Variants in SIPA1L3 observed in about 807,000 individuals in gnomAD.
The protein encoded by SIPA1L3 is signal induced proliferation associated 1 like 3.
In SIPA1L3, 59 loss-of-function variants were observed where a neutral mutation model predicts 150.1. The ratio of observed to expected loss-of-function variants is 0.39; its 90% confidence interval spans 0.32 to 0.49. SIPA1L3 has a LOEUF of 0.49. Ranked by LOEUF, SIPA1L3 falls within the 20% of genes least tolerant of loss-of-function variation. The pLI is 0.86. For synonymous variants in SIPA1L3, 1,070 were observed against 1,077.6 expected, an observed-to-expected ratio of 0.99 and a Z score of 0.14; for missense variants, 2,211 against 2,489.5, an observed-to-expected ratio of 0.89 and a Z score of 2.38.
intron 10 of SIPA1L3, among the ~76,000 whole-genome samples, chr19:38,131,309 G>A (rs1233907096): frequency 6.6e-6 from 1 of 152,198 alleles, no homozygotes; most frequent in African/African-American, 2.4e-5. Context: ...CGATGGGAGA[G>A]CTGCTTACAA....
intron 1 of SIPA1L3, among the ~76,000 whole-genome samples, chr19:37,989,658 A>G (rs1175810176): frequency 7.0e-6 from 1 of 143,792 alleles, no homozygotes; most frequent in Non-Finnish European, 1.5e-5. Context: ...CCTGCTTAGG[A>G]TGAATTCTTT....
chr19:38,119,489 C>T lies in SIPA1L3; in HGVS notation c.2475C>T (p.Leu825=). The T allele has an allele frequency of 6.2e-7, 1 of 1,614,204 alleles. No homozygotes were observed. Among genetic ancestry groups the T allele is most frequent in the Non-Finnish European group, 8.5e-7 (1 of 1,180,048 alleles). ...CCACCAGGACCCGCCAGGAGTATCT[C>T]AAGGACCTGGCCGAAAACTGTGTCT... ...TMATRTRQEY[L]KDLAENCVSN... is the part of the protein sequence containing the mutation. Residue 825 remains leucine, a synonymous_variant, in exon 9 of 22, where the codon CTC becomes CTT. Coordinates refer to ENST00000222345, the MANE Select transcript of SIPA1L3 (RefSeq NM_015073.3).
intron 1 of SIPA1L3, among the ~76,000 whole-genome samples, chr19:37,984,731 T>C (rs985588152): frequency 6.6e-6 from 1 of 152,202 alleles, no homozygotes; most frequent in African/African-American, 2.4e-5. Context: ...GTTGGTGTCA[T>C]AAACGTTAAT....
intron 12 of SIPA1L3, among the ~76,000 whole-genome samples, chr19:38,145,447 C>T (rs1971681754): frequency 6.7e-6 from 1 of 149,728 alleles, no homozygotes; most frequent in South Asian, 2.1e-4. Context: ...GCGAGAGAAT[C>T]GTTTGAACCT....
intron 1 of SIPA1L3, among the ~76,000 whole-genome samples, chr19:37,982,038 T>C (rs537850730): frequency 2.0e-5 from 3 of 152,316 alleles, no homozygotes; most frequent in South Asian, 4.1e-4. Context: ...GTGGTCAGTT[T>C]GCAAGAAGTC....
intron 16 of SIPA1L3, among the ~76,000 whole-genome samples, chr19:38,183,371 A>C (rs1186984825): frequency 6.6e-6 from 1 of 150,736 alleles, no homozygotes; most frequent in Non-Finnish European, 1.5e-5. Context: ...GGGGGCGGAG[A>C]GGGTGAGAAG....
intron 1 of SIPA1L3, among the ~76,000 whole-genome samples, chr19:38,025,480 C>A (rs569469926): frequency 6.6e-5 from 10 of 152,218 alleles, no homozygotes; most frequent in Non-Finnish European, 4.4e-5. Flanking sequence ...ATCTTCCTCT[C>A]TCCTGCATGA....
chr19:38,118,298 G>A (rs1192924857), intron 8 of SIPA1L3, among the ~76,000 whole-genome samples: 3 of 151,930 alleles, frequency 2.0e-5, no homozygotes, highest in South Asian at 2.1e-4. Flanking sequence ...GGTGGTGGGC[G>A]CCTGTAATCC....
intron 11 of SIPA1L3, 52 bp downstream of exon 11, chr19:38,141,487 C>A: frequency 5.2e-6 from 8 of 1,543,878 alleles, no homozygotes; most frequent in Non-Finnish European, 7.0e-6. Context: ...CAGCCCACAC[C>A]CATCCTCCGC....
intron 1 of SIPA1L3, among the ~76,000 whole-genome samples, chr19:38,011,776 G>C (rs1165118621): frequency 2.0e-5 from 3 of 152,180 alleles, no homozygotes; most frequent in Non-Finnish European, 4.4e-5. Flanking sequence ...TCTGGCTGTG[G>C]GTGGAGAATA....
In SIPA1L3 at chr19:38,082,274, G is replaced by A; in HGVS notation, c.709G>A (p.Ala237Thr). Residue 237 changes from alanine (A) to threonine (T), a missense_variant, in exon 3 of 22, where the codon GCC (alanine) becomes ACC (threonine). Coordinates refer to ENST00000222345, the MANE Select transcript of SIPA1L3 (RefSeq NM_015073.3). Reference sequence around the variant, plus strand: ...GCAGCCCGACGCCCGAGGGTGCCAGGCCCTCACCGAGCTCCTCCGGGCAGA... The same window carrying A: ...GCAGCCCGACGCCCGAGGGTGCCAGACCCTCACCGAGCTCCTCCGGGCAGA... The part of the protein sequence containing the change: ...SEQPDARGCQ[A>T]LTELLRADPG... 1.2e-6 allele frequency: 2 copies of A among 1,600,280 alleles called. No individual in the cohort carries two copies. Among genetic ancestry groups the A allele is most frequent in the Non-Finnish European group, 1.7e-6 (2 of 1,179,664 alleles).
rs546366701 is a variant in SIPA1L3 at position 38,080,306 on chromosome 19, C to T, written c.-310-950C>T. On this transcript the variant is annotated intron_variant, in intron 2 of 21. Transcript: ENST00000222345. The stretch of plus-strand genomic sequence containing the variant: ...TAGTCTGGCCTCTGCATGAAGCCAC[C>T]AGTTCACAGGAAATACAGGGGGCAG... Among the ~76,000 whole-genome samples, 7 of 152,280 alleles carry T rather than the reference C, an allele frequency of 4.6e-5. No individual in the cohort carries two copies. In the South Asian group the frequency reaches 1.2e-3, roughly 27 times the overall value.
intron 2 of SIPA1L3, among the ~76,000 whole-genome samples, chr19:38,077,504 G>T (rs967359825): frequency 6.6e-6 from 1 of 151,982 alleles, no homozygotes; most frequent in African/African-American, 2.4e-5. Context: ...CTGTTCATAA[G>T]TGCTAAGGAG....
At chr19:38,061,886 T>G (rs1165646789) in intron 2 of SIPA1L3, among the ~76,000 whole-genome samples, 5 of 151,202 alleles carry the variant, frequency 3.3e-5, no homozygotes, top group Non-Finnish European at 7.4e-5. Flanking sequence ...GTTTTGTTTT[T>G]TTTTTTCATG....
chr19:38,114,325 A>G (rs1236169759), intron 8 of SIPA1L3, among the ~76,000 whole-genome samples: 1 of 151,464 alleles, frequency 6.6e-6, no homozygotes, highest in Non-Finnish European at 1.5e-5. Flanking sequence ...CAGGAGGCTG[A>G]GGCAGGAGAA....
At chr19:38,039,103 G>T (rs1414175717) in intron 2 of SIPA1L3, among the ~76,000 whole-genome samples, 3 of 151,908 alleles carry the variant, frequency 2.0e-5, no homozygotes, top group Non-Finnish European at 4.4e-5. Flanking sequence ...GGGTGGTCTC[G>T]AACTCCTGAG....
chr19:37,950,001 C>T (rs1397614850), intron 1 of SIPA1L3, among the ~76,000 whole-genome samples: 1 of 141,838 alleles, frequency 7.1e-6, no homozygotes, highest in African/African-American at 2.7e-5. Context: ...CGCTTGAACC[C>T]GGGAGGCAGA....
chr19:38,153,766 T>G (rs1971881094), intron 13 of SIPA1L3, among the ~76,000 whole-genome samples: 1 of 151,160 alleles, frequency 6.6e-6, no homozygotes, highest in Admixed American at 6.6e-5. Flanking sequence ...AAACCCTGTC[T>G]CTACTAAAAA....
chr19:38,148,721 G>A (rs1292644813), intron 12 of SIPA1L3, among the ~76,000 whole-genome samples: 1 of 152,194 alleles, frequency 6.6e-6, no homozygotes, highest in African/African-American at 2.4e-5. Flanking sequence ...GGAAGCTCAA[G>A]CCAGCGTCCC....
Sources: allele counts gnomAD v4.1 joint callset (sites outside exome capture counted in the v4.1 genomes callset), GRCh38; gene constraint gnomAD v4.1.1; transcripts MANE v1.5; gene names NCBI Gene and HGNC (gene_info 2026-07-23, HGNC 2026-07-21).